The following DTNBP1 variants were observed in gnomAD, a reference collection of about 807,000 sequenced individuals.
The protein encoded by DTNBP1 is dystrobrevin binding protein 1, also known as dysbindin.
DTNBP1 carries 35 observed loss-of-function variants against 42.8 expected under a neutral mutation model. That is an observed-to-expected ratio of 0.82 (90% CI 0.63 to 1.09). The LOEUF is 1.09. Among genes scored for constraint, DTNBP1 ranks in the 50% least tolerant of loss-of-function variants. DTNBP1 has a pLI of 0.00. For missense variants in DTNBP1, 457 were observed against 424.2 expected (o/e 1.08, Z -0.68); for synonymous variants, 171 against 162.2 (o/e 1.05, Z -0.41).
chr6:15,528,893 T>C (rs552971169), intron 8 of DTNBP1, among the ~76,000 whole-genome samples: 21 of 152,346 alleles, frequency 1.4e-4, no homozygotes, highest in African/African-American at 5.0e-4. Flanking sequence ...CAGGAATCCA[T>C]GTTTGAACAG....
intron 7 of DTNBP1, among the ~76,000 whole-genome samples, chr6:15,572,487 T>C (rs1176238375): frequency 2.0e-5 from 3 of 152,238 alleles, no homozygotes; most frequent in African/African-American, 7.2e-5. Flanking sequence ...GGAAAACAAG[T>C]CACTTAACCT....
intron 6 of DTNBP1, among the ~76,000 whole-genome samples, chr6:15,601,329 T>C (rs1423906551): frequency 1.3e-5 from 2 of 152,208 alleles, no homozygotes. Flanking sequence ...GCCCATTCAT[T>C]TTAATTAAGA....
intron 6 of DTNBP1, chr6:15,595,330 T>C (rs1776474694): frequency 5.0e-6 from 2 of 399,688 alleles, no homozygotes; most frequent in African/African-American, 4.4e-5. Flanking sequence ...AGCGGTGTGA[T>C]CTTGGCTCAC....
intron 7 of DTNBP1, among the ~76,000 whole-genome samples, chr6:15,581,858 C>A (rs1775855783): frequency 6.6e-6 from 1 of 152,190 alleles, no homozygotes; most frequent in Non-Finnish European, 1.5e-5. Context: ...TCAAATATTT[C>A]CTGTCCAAGG....
At chr6:15,618,371 A>C (rs1364625316) in intron 5 of DTNBP1, among the ~76,000 whole-genome samples, 1 of 152,076 alleles carries the variant, frequency 6.6e-6, no homozygotes, top group African/African-American at 2.4e-5. Flanking sequence ...TAGGGACTCC[A>C]AAAAGGGGGG....
At chr6:15,597,382 A>G (rs866031051) in intron 6 of DTNBP1, among the ~76,000 whole-genome samples, 4 of 152,180 alleles carry the variant, frequency 2.6e-5, no homozygotes, top group Middle Eastern at 3.2e-3. Flanking sequence ...TATCGAGAAC[A>G]TGGCAGATAT....
chr6:15,629,586 G>T (rs1175423475), intron 4 of DTNBP1, among the ~76,000 whole-genome samples: 1 of 152,030 alleles, frequency 6.6e-6, no homozygotes, highest in Non-Finnish European at 1.5e-5. Context: ...CAGATTCTCA[G>T]AAATTATCAA....
chr6:15,546,113 T>A, intron 7 of DTNBP1: 1 of 399,932 alleles, frequency 2.5e-6, no homozygotes, highest in Non-Finnish European at 4.9e-6. Flanking sequence ...TTGCCCAGGC[T>A]GGAGTGCAAT....
Position 15,537,143 on chromosome 6 carries a change from G to A in DTNBP1, c.512-3748C>T, listed in dbSNP as rs540853369. Among the ~76,000 whole-genome samples, 20 of 152,318 alleles carry A rather than the reference G, an allele frequency of 1.3e-4. No individual in the cohort carries two copies. In the South Asian group the frequency reaches 1.4e-3, roughly 11 times the overall value. ...GGACTTAAGACTTTTGGCTTAGGCC[G>A]GGCGCGGTGGCTCACGCCTGTAATC... On this transcript the variant is annotated intron_variant, in intron 7 of 9. Coordinates refer to ENST00000344537, the MANE Select transcript of DTNBP1 (RefSeq NM_032122.5).
At chr6:15,618,152 C>A (rs1758820521) in intron 5 of DTNBP1, among the ~76,000 whole-genome samples, 1 of 151,370 alleles carries the variant, frequency 6.6e-6, no homozygotes, top group Non-Finnish European at 1.5e-5. Context: ...AACAATGCAA[C>A]AGCAAAAAAT....
chr6:15,551,367 T>C (rs575790273), intron 7 of DTNBP1, among the ~76,000 whole-genome samples: 1 of 152,330 alleles, frequency 6.6e-6, no homozygotes, highest in East Asian at 1.9e-4. Flanking sequence ...ACAACAACCT[T>C]ACGCTCAGTA....
chr6:15,651,065 G>A (rs968513127), intron 3 of DTNBP1, among the ~76,000 whole-genome samples: 3 of 152,108 alleles, frequency 2.0e-5, no homozygotes, highest in Non-Finnish European at 2.9e-5. Flanking sequence ...TAAAGAAGCC[G>A]TACATATTAT....
chr6:15,553,625 C>T (rs1774345187), intron 7 of DTNBP1, among the ~76,000 whole-genome samples: 1 of 116,790 alleles, frequency 8.6e-6, no homozygotes. Context: ...ACAGCTTTGC[C>T]ATTTCTTAAA....
Position 15,659,442 on chromosome 6 carries a change from T to C in DTNBP1, c.56+3372A>G, listed in dbSNP as rs372036667. On this transcript the variant is annotated intron_variant, in intron 1 of 9. Coordinates refer to ENST00000344537, the MANE Select transcript of DTNBP1 (RefSeq NM_032122.5). Reference sequence around the variant, plus strand: ...GGCAGCTGCTCTGGCTTCCACACAATTGCTCTGCCACCAAGTGTTCTACAG... The same window carrying C: ...GGCAGCTGCTCTGGCTTCCACACAACTGCTCTGCCACCAAGTGTTCTACAG... Among the ~76,000 whole-genome samples, 9 of 152,286 alleles carry C rather than the reference T, an allele frequency of 5.9e-5. 1 individual carries two copies. The highest frequency in any genetic ancestry group is 2.2e-4 in the African/African-American group (9 of 41,560).
intron 6 of DTNBP1, among the ~76,000 whole-genome samples, chr6:15,613,841 CA>C (rs71706000): frequency 0.15 from 23,444 of 152,070 alleles, 2,683 homozygotes; most frequent in African/African-American, 0.32. Context: ...GCACACAACC[CA>C]ATCTCCCATC....
chr6:15,629,062 TA>T (rs35634124), intron 4 of DTNBP1, among the ~76,000 whole-genome samples: 23,567 of 151,984 alleles, frequency 0.16, 2,708 homozygotes, highest in African/African-American at 0.32. Flanking sequence ...AACTGGTCTT[TA>T]AAAAAAATCT....
At chr6:15,638,986 C>T (rs983266140) in intron 3 of DTNBP1, among the ~76,000 whole-genome samples, 3 of 151,986 alleles carry the variant, frequency 2.0e-5, no homozygotes, top group Non-Finnish European at 2.9e-5. Context: ...ACATGAGCCA[C>T]GATGCCCAGC....
chr6:15,551,437 C>T (rs1017720049), intron 7 of DTNBP1, among the ~76,000 whole-genome samples: 3 of 152,132 alleles, frequency 2.0e-5, no homozygotes, highest in Non-Finnish European at 2.9e-5. Flanking sequence ...CCTAGGAAGC[C>T]GCTTTTCCAG....
intron 4 of DTNBP1, among the ~76,000 whole-genome samples, chr6:15,632,042 T>C (rs187086593): frequency 3.3e-5 from 5 of 152,246 alleles, no homozygotes; most frequent in East Asian, 1.9e-4. Flanking sequence ...CCAAGCAAGG[T>C]TGAACATATT....
Sources: gnomAD v4.1 joint callset for allele counts (sites outside exome capture counted in the v4.1 genomes callset) on GRCh38, gnomAD v4.1.1 for gene constraint, MANE v1.5 for transcripts, NCBI Gene and HGNC (gene_info 2026-07-23, HGNC 2026-07-21) for gene names.